The following WDR27 variants were observed in gnomAD, a reference collection of about 807,000 sequenced individuals.
The protein encoded by WDR27 is WD repeat-containing protein 27.
Under a neutral mutation model 114.4 loss-of-function variants are expected in WDR27, and 100 were observed. The ratio of observed to expected loss-of-function variants is 0.87; its 90% confidence interval spans 0.74 to 1.03. The LOEUF is 1.03. Ranked by LOEUF, WDR27 falls within the 50% of genes least tolerant of loss-of-function variation. WDR27 has a pLI of 0.00. For synonymous variants in WDR27, 449 were observed against 423.1 expected, an observed-to-expected ratio of 1.06 and a Z score of -0.75; for missense variants, 1,129 against 1,092.9, an observed-to-expected ratio of 1.03 and a Z score of -0.47.
chr6:169,610,863 G>C (rs1414922461), intron 22 of WDR27, among the ~76,000 whole-genome samples: 1 of 152,180 alleles, frequency 6.6e-6, no homozygotes, highest in African/African-American at 2.4e-5. Flanking sequence ...AAGGCATACA[G>C]AGTGGTATGA....
rs139876509 is a variant in WDR27 at position 169,500,999 on chromosome 6, C to T, written c.2646-43365G>A. On this transcript the variant is annotated intron_variant, in intron 25 of 25. Coordinates refer to ENST00000448612, the MANE Select transcript of WDR27 (RefSeq NM_182552.5). Reference sequence around the variant, plus strand: ...ACAGGTCAGAGGCCGGGATTCTCTACGTTTTCGAACTCCTTGCCACCAAGG... The same window carrying T: ...ACAGGTCAGAGGCCGGGATTCTCTATGTTTTCGAACTCCTTGCCACCAAGG... 9.7e-3 allele frequency among the ~76,000 whole-genome samples: 1,483 copies of T among 152,304 alleles called. 72 individuals are homozygous for T. Among genetic ancestry groups the T allele is most frequent in the Admixed American group, 0.084 (1,292 of 15,304 alleles).
At chr6:169,452,622 G>T (rs910773766), downstream of WDR27, among the ~76,000 whole-genome samples, 10 of 152,080 alleles carry the variant, frequency 6.6e-5, no homozygotes, top group African/African-American at 2.2e-4. Flanking sequence ...GACGGGCATG[G>T]CAGCCGCAGG....
chr6:169,671,454 T>G (rs1778731688), intron 3 of WDR27: 1 of 152,246 alleles, frequency 6.6e-6, no homozygotes, highest in Admixed American at 6.5e-5. Context: ...TGTCCCTACA[T>G]AGAATACATA....
At chr6:169,635,875 G>A (rs1484817894) in intron 19 of WDR27, among the ~76,000 whole-genome samples, 1 of 152,118 alleles carries the variant, frequency 6.6e-6, no homozygotes, top group Non-Finnish European at 1.5e-5. Context: ...CTCAAAAGGA[G>A]GAAAAAGGGA....
At chr6:169,428,608 A>AGGG in the WDR27 span, among the ~76,000 whole-genome samples, 4 of 114,468 alleles carry the variant, frequency 3.5e-5, no homozygotes, top group Non-Finnish European at 5.3e-5. Context: ...GGCGGGGGGG[A>AGGG]GGGGGGGGTT....
Position 169,672,292 on chromosome 6 carries a change from C to T in WDR27, c.294G>A (p.Met98Ile), listed in dbSNP as rs1444799356. The part of the protein sequence containing the change: ...ICSASLDYVI[M>I]WNLDECREKV... Reference sequence around the variant, plus strand: ...TCTCTCTACATTCATCCAGGTTCCACATTATAACATAATCCAGTGATGCTG... The same window carrying T: ...TCTCTCTACATTCATCCAGGTTCCATATTATAACATAATCCAGTGATGCTG... The change falls in exon 3 of 26, where the codon ATG becomes ATA. Residue 98 changes from methionine (M) to isoleucine (I), a missense_variant. Physicochemically the swap from Met to Ile is conservative, Grantham distance 10. Coordinates refer to ENST00000448612, the MANE Select transcript of WDR27 (RefSeq NM_182552.5). 3.1e-6 allele frequency: 5 copies of T among 1,613,738 alleles called. No individual in the cohort carries two copies. The highest frequency in any genetic ancestry group is 2.5e-6 in the Non-Finnish European group (3 of 1,179,762).
At chr6:169,681,173 TCC>T (rs1352722623) in intron 2 of WDR27, among the ~76,000 whole-genome samples, 1 of 152,182 alleles carries the variant, frequency 6.6e-6, no homozygotes. Context: ...GTATAGTATA[TCC>T]ATACAATGAA....
intron 23 of WDR27, among the ~76,000 whole-genome samples, chr6:169,597,761 G>T (rs960640773): frequency 1.3e-5 from 2 of 152,070 alleles, no homozygotes; most frequent in African/African-American, 4.8e-5. Flanking sequence ...GTAGTGTCAG[G>T]CATGGCACTT....
intron 8 of WDR27, among the ~76,000 whole-genome samples, chr6:169,663,335 G>T (rs548474393): frequency 1.3e-5 from 2 of 151,850 alleles, no homozygotes; most frequent in Non-Finnish European, 2.9e-5. Flanking sequence ...AATATGAAAA[G>T]AAATAGTTTA....
intron 21 of WDR27, among the ~76,000 whole-genome samples, chr6:169,625,336 C>A (rs762788155): frequency 6.6e-6 from 1 of 152,164 alleles, no homozygotes; most frequent in Non-Finnish European, 1.5e-5. Context: ...CACGTCATTC[C>A]GACTGCACTG....
intron 25 of WDR27, among the ~76,000 whole-genome samples, chr6:169,481,861 A>G (rs924168789): frequency 2.6e-5 from 4 of 152,198 alleles, no homozygotes; most frequent in African/African-American, 9.6e-5. Flanking sequence ...CAGACACACC[A>G]TCTTTAAAAA....
chr6:169,433,878 A>G, the WDR27 span, among the ~76,000 whole-genome samples: 2 of 152,248 alleles, frequency 1.3e-5, no homozygotes, highest in Non-Finnish European at 2.9e-5. Flanking sequence ...TGTTGGCCAC[A>G]TAAATGTCTT....
At chr6:169,618,868 A>G (rs962939089) in intron 21 of WDR27, among the ~76,000 whole-genome samples, 1 of 152,176 alleles carries the variant, frequency 6.6e-6, no homozygotes, top group Non-Finnish European at 1.5e-5. Flanking sequence ...AAAATGTAAG[A>G]TAAGTTTTTT....
chr6:169,645,023 T>TAAAATAAAAAATAAAAAAAAAA (rs1820198349), intron 16 of WDR27, among the ~76,000 whole-genome samples: 1 of 46,982 alleles, frequency 2.1e-5, no homozygotes, highest in Non-Finnish European at 3.9e-5. Flanking sequence ...AAAAAAAAAA[T>TAAAATAAAAAATAAAAAAAAAA]AAAAAAAAAA....
At chr6:169,537,274 A>G (rs543671371) in intron 25 of WDR27, among the ~76,000 whole-genome samples, 15 of 152,136 alleles carry the variant, frequency 9.9e-5, no homozygotes, top group Admixed American at 4.6e-4. Flanking sequence ...AAGGAAATAT[A>G]TGAATAGACA....
intron 25 of WDR27, among the ~76,000 whole-genome samples, chr6:169,527,382 A>G (rs1795075749): frequency 6.6e-6 from 1 of 151,306 alleles, no homozygotes; most frequent in Admixed American, 6.6e-5. Context: ...CAGACACAAA[A>G]GGCCACATAT....
At chr6:169,473,326 G>A (rs1454856059) in intron 25 of WDR27, among the ~76,000 whole-genome samples, 3 of 152,190 alleles carry the variant, frequency 2.0e-5, no homozygotes, top group African/African-American at 7.2e-5. Flanking sequence ...AAAAGGGAAG[G>A]AGGCTCAGTT....
chr6:169,652,069 A>T (rs1452178989), intron 13 of WDR27, 61 bp from the exon 14 acceptor site: 1 of 1,466,666 alleles, frequency 6.8e-7, no homozygotes, highest in Non-Finnish European at 9.5e-7. Flanking sequence ...CATGATGGAC[A>T]TGAGAAGAAC....
chr6:169,527,249 T>G (rs1197895639), intron 25 of WDR27, among the ~76,000 whole-genome samples: 6 of 151,752 alleles, frequency 4.0e-5, no homozygotes, highest in Admixed American at 2.6e-4. Context: ...TCCAAAATAC[T>G]ACAACAGATA....
Sources: gnomAD v4.1 joint callset for allele counts (sites outside exome capture counted in the v4.1 genomes callset) on GRCh38, gnomAD v4.1.1 for gene constraint, MANE v1.5 for transcripts, NCBI Gene and HGNC (gene_info 2026-07-23, HGNC 2026-07-21) for gene names.